CATSPERE: variants seen among roughly 807,000 people sequenced by gnomAD.
CATSPERE encodes the protein catsper channel auxiliary subunit epsilon.
CATSPERE carries 93 observed loss-of-function variants against 114.1 expected under a neutral mutation model. That is an observed-to-expected ratio of 0.81 (90% confidence interval 0.69 to 0.97). The LOEUF is 0.97. CATSPERE is among the 50% of genes least tolerant of loss of function. The pLI, the probability that CATSPERE is intolerant of heterozygous loss-of-function variation, is 0.00. For missense variants in CATSPERE, 1,058 were observed against 1,131.6 expected (o/e 0.93, Z 0.93); for synonymous variants, 341 against 384.1 (o/e 0.89, Z 1.31).
chr1:244,498,954 G>T (rs1178683799), intron 6 of CATSPERE, 48 bp from the exon 7 acceptor site: 7 of 1,432,016 alleles, frequency 4.9e-6, no homozygotes, highest in Non-Finnish European at 4.9e-6. Flanking sequence ...AACTAAAAAA[G>T]AAATTTGTAC....
intron 8 of CATSPERE, among the ~76,000 whole-genome samples, chr1:244,523,990 T>TA (rs1053276845): frequency 6.7e-6 from 1 of 148,566 alleles, no homozygotes; most frequent in African/African-American, 2.5e-5. Flanking sequence ...AAAACTACTT[T>TA]AAAGTTCATA....
At chr1:244,461,877 C>A (rs1666873043) in intron 1 of CATSPERE, among the ~76,000 whole-genome samples, 1 of 152,120 alleles carries the variant, frequency 6.6e-6, no homozygotes, top group South Asian at 2.1e-4. Context: ...GCAGTGGCGC[C>A]ATCATAGCTC....
rs1558610021 is a variant in CATSPERE at position 244,621,153 on chromosome 1, A to AT, written c.2648+3467_2648+3468insT. Among the ~76,000 whole-genome samples, 56 of 16,398 alleles carry AT rather than the reference A, an allele frequency of 3.4e-3. 3 individuals are homozygous for AT. The highest frequency in any genetic ancestry group is 7.3e-3 in the South Asian group (4 of 550). The allele number at this position is 16,398 out of a possible 152,430, so 10.8% of individuals were successfully genotyped here. On this transcript the variant is annotated intron_variant, in intron 20 of 21. Transcript: ENST00000366534. ...AATATATATAAAATATATATATTAT[A>AT]AAATATATATATTATATATAGATAT...
In CATSPERE at chr1:244,522,013, C is replaced by A. The variant is rs553710588; in HGVS notation, c.536+3315C>A. 6.4e-3 allele frequency among the ~76,000 whole-genome samples: 970 copies of A among 152,160 alleles called. 9 individuals carry two copies. Among genetic ancestry groups the A allele is most frequent in the African/African-American group, 0.022 (894 of 41,484 alleles). On this transcript the variant is annotated intron_variant, in intron 8 of 21. Transcript: ENST00000366534. ...ATAGACATCTACAGAACTCTCCACCCCAAATCAACAGAATATACATTTTTT... is the reference window on the plus strand; with the variant it reads ...ATAGACATCTACAGAACTCTCCACCACAAATCAACAGAATATACATTTTTT...
chr1:244,504,107 T>A lies in CATSPERE; in HGVS notation c.429+5028T>A, dbSNP rs2148298016. Among the ~76,000 whole-genome samples the A allele has an allele frequency of 6.6e-6, 1 of 152,312 alleles. No homozygotes were observed. The highest frequency in any genetic ancestry group is 1.5e-5 in the Non-Finnish European group (1 of 68,028). On this transcript the variant is annotated intron_variant, in intron 7 of 21. Coordinates refer to ENST00000366534, the MANE Select transcript of CATSPERE (RefSeq NM_001130957.2). The surrounding 1 kb of genome is among the most constrained non-coding windows in gnomAD (Gnocchi z 4.1). The stretch of plus-strand genomic sequence containing the variant: ...ACCATAGTAGAATGTAAAACCAATG[T>A]GGGACAGTTAAATATTCCTCTGTTC...
intron 5 of CATSPERE, among the ~76,000 whole-genome samples, chr1:244,486,044 T>A (rs1670957166): frequency 6.6e-6 from 1 of 152,212 alleles, no homozygotes; most frequent in South Asian, 2.1e-4. Flanking sequence ...TATACTCTTC[T>A]GCCATTTCTG....
chr1:244,520,424 T>A (rs1418110403), intron 8 of CATSPERE, among the ~76,000 whole-genome samples: 4 of 152,220 alleles, frequency 2.6e-5, no homozygotes, highest in Admixed American at 1.3e-4. Flanking sequence ...TTTGGAACTT[T>A]TGTTGAAAGT....
At chr1:244,625,424 A>ATTTTT (rs1281579567) in intron 20 of CATSPERE, among the ~76,000 whole-genome samples, 8 of 3,952 alleles carry the variant, frequency 2.0e-3, no homozygotes, top group African/African-American at 3.1e-3. Flanking sequence ...ATATATATAT[A>ATTTTT]TATATATATT....
intron 7 of CATSPERE, among the ~76,000 whole-genome samples, chr1:244,507,651 G>GAT (rs146249752): frequency 0.027 from 4,159 of 151,940 alleles, 198 homozygotes; most frequent in African/African-American, 0.094. Context: ...ATTTTGAGTT[G>GAT]ATATATATAT....
intron 19 of CATSPERE, chr1:244,610,687 TG>T: frequency 4.3e-6 from 1 of 232,086 alleles, no homozygotes; most frequent in Non-Finnish European, 8.6e-6. Flanking sequence ...AGGACTTCCC[TG>T]GCCACCATAT....
rs773795312 is a variant in CATSPERE at position 244,572,639 on chromosome 1, C to A, written c.1817C>A (p.Thr606Lys). 2 of 1,613,962 alleles carry A rather than the reference C, an allele frequency of 1.2e-6. No homozygotes were observed. The highest frequency in any genetic ancestry group is 2.7e-5 in the African/African-American group (2 of 74,928). ...TTTTTGGACAAGGGAGAGGCTCTGA[C>A]AGTTTGGACTCAGATCGTCTATCCA... ...FYFLDKGEAL[T>K]VWTQIVYPEN... The change falls in exon 11 of 22, where the codon ACA becomes AAA. Residue 606 changes from threonine to lysine, a missense_variant. By Grantham distance (78) the Thr-to-Lys change is moderately conservative. Transcript: ENST00000366534.
chr1:244,484,010 A>AT (rs1303351823), intron 5 of CATSPERE, among the ~76,000 whole-genome samples: 1 of 151,986 alleles, frequency 6.6e-6, no homozygotes, highest in African/African-American at 2.4e-5. Context: ...AATTCACTTT[A>AT]TTTTTTCTAC....
intron 1 of CATSPERE, among the ~76,000 whole-genome samples, chr1:244,454,841 A>G (rs1327374471): frequency 1.3e-5 from 2 of 152,108 alleles, no homozygotes; most frequent in African/African-American, 4.8e-5. Context: ...GGACCCCTAT[A>G]AGCCTGCTTT....
At chr1:244,451,577 G>A (rs758856248), upstream of CATSPERE, 1,862 of 1,529,888 alleles carry the variant, frequency 1.2e-3, 1 homozygote, top group Non-Finnish European at 1.5e-3. This position sits in a 1 kb window ranked among gnomAD's most constrained non-coding sequence, Gnocchi z 6.6. Flanking sequence ...CGGGCACCAG[G>A]AGCCAGGCAG....
rs1281715787 is a variant in CATSPERE at position 244,471,523 on chromosome 1, C to G, written c.115-6018C>G. Among the ~76,000 whole-genome samples the G allele has an allele frequency of 3.3e-5, 5 of 152,142 alleles. No homozygotes were observed. The East Asian group carries it at 9.6e-4, about 29-fold the overall frequency. ...CCTCACCCCAAAAAGTTTCATCATGCCCTTTGCAGTCATGCTTTACCTTCC... is the reference window on the plus strand; with the variant it reads ...CCTCACCCCAAAAAGTTTCATCATGGCCTTTGCAGTCATGCTTTACCTTCC... On this transcript the variant is annotated intron_variant, in intron 2 of 21. Transcript: ENST00000366534.
intron 20 of CATSPERE, among the ~76,000 whole-genome samples, chr1:244,623,746 C>T (rs1013022709): frequency 6.6e-6 from 1 of 152,188 alleles, no homozygotes; most frequent in African/African-American, 2.4e-5. Flanking sequence ...CTTATGTTTA[C>T]ACTATACTGT....
intron 9 of CATSPERE, among the ~76,000 whole-genome samples, chr1:244,557,064 C>T (rs895254003): frequency 6.6e-6 from 1 of 152,074 alleles, no homozygotes; most frequent in Admixed American, 6.6e-5. Flanking sequence ...ATTCTCTATT[C>T]TGTTCTGTTG....
chr1:244,471,418 T>C (rs1668456859), intron 2 of CATSPERE, among the ~76,000 whole-genome samples: 1 of 152,226 alleles, frequency 6.6e-6, no homozygotes, highest in South Asian at 2.1e-4. Flanking sequence ...AATTTACTCC[T>C]TTTAAGCATA....
rs375332626 is a variant in CATSPERE at position 244,575,429 on chromosome 1, A to C, written c.1950+2657A>C. On this transcript the variant is annotated intron_variant, in intron 11 of 21. Transcript: ENST00000366534. This position sits in a 1 kb window ranked among gnomAD's most constrained non-coding sequence, Gnocchi z 4.5. ...ATGGTATCCTGGCCCCGGCACACTC[A>C]CACTTTCCTGCTCAGCTCTAACTTG... is the stretch of plus-strand genomic sequence containing the variant. Among the ~76,000 whole-genome samples, 6 of 152,216 alleles carry C rather than the reference A, an allele frequency of 3.9e-5. No individual in the cohort carries two copies. The highest frequency in any genetic ancestry group is 4.1e-4 in the South Asian group (2 of 4,826).
Sources: gnomAD v4.1 joint callset for allele counts (sites outside exome capture counted in the v4.1 genomes callset) on GRCh38, gnomAD v4.1.1 for gene constraint, Gnocchi (gnomAD v3.1) non-coding constraint, MANE v1.5 for transcripts, NCBI Gene and HGNC (gene_info 2026-07-23, HGNC 2026-07-21) for gene names.